KIAA1671: variants seen among roughly 807,000 people sequenced by gnomAD.
KIAA1671 encodes the protein uncharacterized protein KIAA1671.
KIAA1671 carries 52 observed loss-of-function variants against 131.2 expected under a neutral mutation model. The ratio of observed to expected loss-of-function variants is 0.40; its 90% CI spans 0.32 to 0.50. The LOEUF (loss-of-function observed/expected upper bound fraction) is 0.50. KIAA1671 is among the 20% of genes least tolerant of loss of function. The pLI is 0.73. For missense variants in KIAA1671, 2,360 were observed against 2,364.2 expected, an observed-to-expected ratio of 1.00 and a Z score of 0.04; for synonymous variants, 1,003 against 961.6, an observed-to-expected ratio of 1.04 and a Z score of -0.80.
In KIAA1671 at chr22:25,001,988, T is replaced by C. The variant is rs149601175; in HGVS notation, c.-207-23645T>C. Among the ~76,000 whole-genome samples, 79 of 152,248 alleles carry C rather than the reference T, an allele frequency of 5.2e-4. No homozygotes were observed. In the East Asian group the frequency reaches 0.013, roughly 25 times the overall value. ...ATTTATATACATATACAGACATACA[T>C]ATATATACATACACATATTGCATCA... On this transcript the variant is annotated intron_variant, in intron 1 of 12. Transcript: ENST00000358431.
intron 11 of KIAA1671, among the ~76,000 whole-genome samples, chr22:25,190,385 A>G (rs545292879): frequency 4.9e-4 from 74 of 152,324 alleles, no homozygotes; most frequent in African/African-American, 1.8e-3. Context: ...GTGAATACAG[A>G]TGAAGCTTCG....
intron 6 of KIAA1671, among the ~76,000 whole-genome samples, chr22:25,072,798 C>T (rs1309706441): frequency 6.6e-6 from 1 of 152,300 alleles, no homozygotes; most frequent in East Asian, 1.9e-4. Context: ...AAGCTGCTCC[C>T]AGAATGTCAG....
chr22:25,011,324 T>G (rs1925021958), intron 1 of KIAA1671: 1 of 152,158 alleles, frequency 6.6e-6, no homozygotes, highest in Non-Finnish European at 1.5e-5. Flanking sequence ...ATTTTTGTGT[T>G]TTTTTGTAGA....
intron 4 of KIAA1671, among the ~76,000 whole-genome samples, chr22:25,038,462 T>C (rs1926733281): frequency 1.3e-5 from 2 of 152,252 alleles, no homozygotes; most frequent in African/African-American, 4.8e-5. Flanking sequence ...TGTGTAGGCT[T>C]GTGCATGTGG....
In KIAA1671 at chr22:25,177,255, G is replaced by C; in HGVS notation, c.4900-93G>C. The C allele has an allele frequency of 2.4e-6, 3 of 1,237,228 alleles. 1 individual carries two copies. Among genetic ancestry groups the C allele is most frequent in the Non-Finnish European group, 3.3e-6 (3 of 903,890 alleles). 76.6% of individuals were successfully genotyped at this position (1,237,228 alleles called of 1,614,324 possible). A position where few individuals can be genotyped will look rare whatever the true frequency, so the allele number is the denominator to read the frequency against. On this transcript the variant is annotated intron_variant, in intron 8 of 12. Coordinates refer to ENST00000358431, the MANE Select transcript of KIAA1671 (RefSeq NM_001145206.2). Reference sequence around the variant, plus strand: ...GTACCACCTAAATAGCCTCTCATCTGTCAACGAAGCTGTGTACCGCCAACT... The same window carrying C: ...GTACCACCTAAATAGCCTCTCATCTCTCAACGAAGCTGTGTACCGCCAACT...
chr22:25,074,496 C>CAAAAAAAAAAAAAAAAAAAAAAA (rs759898395), intron 6 of KIAA1671, among the ~76,000 whole-genome samples: 1 of 64,162 alleles, frequency 1.6e-5, no homozygotes, highest in Non-Finnish European at 3.0e-5. Context: ...GGCTGTGTCT[C>CAAAAAAAAAAAAAAAAAAAAAAA]AAAAAAAAAA....
chr22:24,959,030 T>G (rs1301088419), intron 1 of KIAA1671, among the ~76,000 whole-genome samples: 2 of 148,924 alleles, frequency 1.3e-5, no homozygotes, highest in African/African-American at 4.9e-5. Flanking sequence ...AGCCTGGCAG[T>G]GTGTCAGGCT....
At chr22:25,098,278 C>T (rs936568751) in intron 6 of KIAA1671, among the ~76,000 whole-genome samples, 10 of 152,254 alleles carry the variant, frequency 6.6e-5, no homozygotes, top group Admixed American at 2.6e-4. Flanking sequence ...AATAGTAGTT[C>T]TTCCATCCCC....
chr22:24,984,912 C>CAAAAAAAAA (rs60969204), intron 1 of KIAA1671, among the ~76,000 whole-genome samples: 1 of 54,452 alleles, frequency 1.8e-5, no homozygotes, highest in Non-Finnish European at 3.4e-5. Context: ...GACTACGTCT[C>CAAAAAAAAA]AAAAAAAAAA....
intron 6 of KIAA1671, among the ~76,000 whole-genome samples, chr22:25,068,699 G>A (rs532347653): frequency 1.3e-5 from 2 of 152,304 alleles, no homozygotes; most frequent in East Asian, 1.9e-4. Flanking sequence ...GCCTCCCAAA[G>A]TTCTGGGATT....
intron 6 of KIAA1671, among the ~76,000 whole-genome samples, chr22:25,074,369 G>A (rs1482592024): frequency 6.6e-6 from 1 of 151,402 alleles, no homozygotes; most frequent in African/African-American, 2.4e-5. Flanking sequence ...GTTGGGCATG[G>A]TGGTGTGTGC....
intron 5 of KIAA1671, among the ~76,000 whole-genome samples, chr22:25,048,029 A>C (rs1927339924): frequency 6.6e-6 from 1 of 152,212 alleles, no homozygotes; most frequent in Non-Finnish European, 1.5e-5. Context: ...TTTTGCAGGT[A>C]GAGTCTCAGC....
At chr22:25,148,331 C>T (rs1222843970) in intron 6 of KIAA1671, among the ~76,000 whole-genome samples, 3 of 151,724 alleles carry the variant, frequency 2.0e-5, no homozygotes, top group Admixed American at 6.6e-5. Context: ...AGCCCTCCCA[C>T]AGTCCCAGCG....
At chr22:24,991,455 C>T (rs1923835547) in intron 1 of KIAA1671, among the ~76,000 whole-genome samples, 1 of 149,596 alleles carries the variant, frequency 6.7e-6, no homozygotes, top group South Asian at 2.1e-4. Flanking sequence ...CCTCAGTTTC[C>T]TCCTTTCTTG....
chr22:25,015,842 T>G (rs1028022478), intron 1 of KIAA1671, among the ~76,000 whole-genome samples: 62 of 152,294 alleles, frequency 4.1e-4, no homozygotes, highest in African/African-American at 1.4e-3. Context: ...CGCACTCTGA[T>G]GGAATTTACA....
intron 6 of KIAA1671, among the ~76,000 whole-genome samples, chr22:25,167,409 T>A (rs2146005967): frequency 6.6e-6 from 1 of 152,272 alleles, no homozygotes; most frequent in African/African-American, 2.4e-5. Context: ...ATTATAGTGG[T>A]GAAGAAAATC....
Position 25,041,080 on chromosome 22 carries a change from A to G in KIAA1671, c.3950A>G (p.Asp1317Gly). 1 of 1,539,414 alleles carries G rather than the reference A, an allele frequency of 6.5e-7. No homozygotes were observed. Among genetic ancestry groups the G allele is most frequent in the Non-Finnish European group, 8.8e-7 (1 of 1,140,754 alleles). The stretch of plus-strand genomic sequence containing the variant: ...CCAGGGGGCTCTCCTATACCTGCGG[A>G]TCCCAGGAAAAAAACGGGGTTTGCT... ...RYPGGSPIPADPRKKTGFAED... is the reference protein window; with the variant it reads ...RYPGGSPIPAGPRKKTGFAED... The change falls in exon 5 of 13, where the codon GAT (aspartate) becomes GGT (glycine). Residue 1317 changes from aspartate to glycine, a missense_variant. Physicochemically the swap from Asp to Gly is moderately conservative, Grantham distance 94. Transcript: ENST00000358431.
chr22:25,044,908 C>T (rs890790658), intron 5 of KIAA1671, among the ~76,000 whole-genome samples: 2 of 152,154 alleles, frequency 1.3e-5, no homozygotes, highest in Non-Finnish European at 2.9e-5. Flanking sequence ...TGCCTGTAAT[C>T]CCAGCACTTT....
chr22:25,047,801 C>T (rs1927331196), intron 5 of KIAA1671, among the ~76,000 whole-genome samples: 1 of 152,206 alleles, frequency 6.6e-6, no homozygotes, highest in Non-Finnish European at 1.5e-5. Context: ...CCCTTTAAAG[C>T]ACAAAAGTTT....
Sources: gnomAD v4.1 joint callset for allele counts (sites outside exome capture counted in the v4.1 genomes callset) on GRCh38, gnomAD v4.1.1 for gene constraint, MANE v1.5 for transcripts, NCBI Gene and HGNC (gene_info 2026-07-23, HGNC 2026-07-21) for gene names.